Variants in CCDC136 observed in about 807,000 individuals in gnomAD.
The protein encoded by CCDC136 is coiled-coil domain-containing protein 136.
A neutral mutation model predicts 141.2 loss-of-function variants in CCDC136; 100 were observed. The ratio of observed to expected loss-of-function variants is 0.71; its 90% CI spans 0.60 to 0.84. CCDC136 has a LOEUF of 0.84. Ranked by LOEUF, CCDC136 falls within the 40% of genes least tolerant of loss-of-function variation. The pLI, the probability that CCDC136 is intolerant of heterozygous loss-of-function variation, is 0.00. For synonymous variants in CCDC136, 474 were observed against 531.9 expected, an observed-to-expected ratio of 0.89 and a Z score of 1.50; for missense variants, 1,206 against 1,379.4, an observed-to-expected ratio of 0.87 and a Z score of 1.99.
chr7:128,810,482 A>G, intron 12 of CCDC136, 116 bp downstream of exon 12: 1 of 690,572 alleles, frequency 1.4e-6, no homozygotes, highest in South Asian at 1.9e-5. Context: ...GGGTAAGGAT[A>G]AGGCAAAAGC....
intron 3 of CCDC136, among the ~76,000 whole-genome samples, chr7:128,796,100 C>A (rs1435860740): frequency 6.6e-6 from 1 of 152,086 alleles, no homozygotes; most frequent in African/African-American, 2.4e-5. Context: ...CTCAGCCTCC[C>A]GAGTAGCTGA....
chr7:128,812,365 T>C, intron 13 of CCDC136, 53 bp downstream of exon 13: 1 of 1,548,170 alleles, frequency 6.5e-7, no homozygotes, highest in Non-Finnish European at 8.7e-7. Context: ...TCTTGTCTTT[T>C]TAAGAGATAC....
rs546993368 is a variant in CCDC136 at position 128,804,857 on chromosome 7, G to A, written c.782+96G>A. 1.6e-4 allele frequency: 116 copies of A among 725,152 alleles called. 1 individual carries two copies. Among genetic ancestry groups the A allele is most frequent in the Admixed American group, 1.5e-3 (56 of 38,524 alleles). 44.9% of individuals were successfully genotyped at this position (725,152 alleles called of 1,614,324 possible). On this transcript the variant is annotated intron_variant, in intron 5 of 17. Coordinates refer to ENST00000297788, the MANE Select transcript of CCDC136 (RefSeq NM_022742.5). ...GAAGGCAGATGCCAGGGCAGTGAGCGTTCCTTTGCTCCTGGAGACCCAGTC... is the reference window on the plus strand; with the variant it reads ...GAAGGCAGATGCCAGGGCAGTGAGCATTCCTTTGCTCCTGGAGACCCAGTC...
Position 128,809,516 on chromosome 7 carries a change from G to T in CCDC136, c.1672G>T (p.Gly558Trp). The change falls in exon 11 of 18, where the codon GGG becomes TGG. Residue 558 changes from glycine to tryptophan, a missense_variant. Transcript: ENST00000297788. ...EKYKASQKEM[G>W]QLQMEQCELL... is the part of the protein sequence containing the mutation. The stretch of plus-strand genomic sequence containing the variant: ...GTACAAGGCCAGCCAGAAGGAGATG[G>T]GGCAGCTGCAGATGGAGCAGTGTGA... The T allele has an allele frequency of 6.4e-7, 1 of 1,553,086 alleles. No homozygotes were observed. Among genetic ancestry groups the T allele is most frequent in the Non-Finnish European group, 8.7e-7 (1 of 1,148,788 alleles).
Position 128,811,938 on chromosome 7 carries a change from T to C in CCDC136, c.2167T>C (p.Cys723Arg). The C allele has an allele frequency of 6.2e-7, 1 of 1,614,006 alleles. No homozygotes were observed. Among genetic ancestry groups the C allele is most frequent in the East Asian group, 2.2e-5 (1 of 44,880 alleles). The change falls in exon 13 of 18, where the codon TGC (cysteine) becomes CGC (arginine). Residue 723 changes from cysteine (C) to arginine (R), a missense_variant. Transcript: ENST00000297788. ...RKRLQADLQL[C>R]LEEMQLLQVQ... ...GAGGCTGCAGGCAGACTTGCAGCTC[T>C]GCCTGGAAGAAATGCAGCTGCTTCA...
chr7:128,818,113 C>A, intron 17 of CCDC136: 1 of 441,812 alleles, frequency 2.3e-6, no homozygotes, highest in Non-Finnish European at 4.1e-6. Flanking sequence ...TGTTTCAATC[C>A]TTGGCTGGGA....
rs1322499281 is a variant in CCDC136 at position 128,817,790 on chromosome 7, C to T, written c.3396C>T (p.Ser1132=). ...SSPTPNPPIF[S]LPLVGLVVIS... is the part of the protein sequence containing the mutation. ...CTACCCCCAATCCCCCCATCTTCTC[C>T]TTGCCTCTTGTAGGCCTGGTGGTCA... The change falls in exon 17 of 18, where the codon TCC becomes TCT. Residue 1132 remains serine, a synonymous_variant. Transcript: ENST00000297788. The surrounding 1 kb of genome is among the most constrained non-coding windows in gnomAD (Gnocchi z 4.6). 1.2e-6 allele frequency: 2 copies of T among 1,613,794 alleles called. No homozygotes were observed. The highest frequency in any genetic ancestry group is 1.3e-5 in the African/African-American group (1 of 74,892).
chr7:128,797,402 A>C (rs1803201529), intron 3 of CCDC136, among the ~76,000 whole-genome samples: 1 of 152,230 alleles, frequency 6.6e-6, no homozygotes, highest in Non-Finnish European at 1.5e-5. Flanking sequence ...AGACACCAGA[A>C]GAGGAGAAAG....
At chr7:128,807,920 T>C (rs1805119098) in intron 10 of CCDC136, 1 of 154,942 alleles carries the variant, frequency 6.5e-6, no homozygotes, top group South Asian at 2.1e-4. Context: ...GGGGCCAGTT[T>C]TCTGGGTCAG....
In CCDC136 at chr7:128,805,625, G is replaced by A; in HGVS notation, c.948+101G>A. 1.3e-6 allele frequency: 2 copies of A among 1,512,326 alleles called. No individual in the cohort carries two copies. Among genetic ancestry groups the A allele is most frequent in the Middle Eastern group, 1.7e-4 (1 of 5,730 alleles). 93.7% of individuals were successfully genotyped at this position (1,512,326 alleles called of 1,614,324 possible). A position where few individuals can be genotyped will look rare whatever the true frequency, so the allele number is the denominator to read the frequency against. Reference sequence around the variant, plus strand: ...ATCTCCATAGGCATCCACTGTGGAGGGAGATAGTACTCTGGGGTCTCACTT... The same window carrying A: ...ATCTCCATAGGCATCCACTGTGGAGAGAGATAGTACTCTGGGGTCTCACTT... On this transcript the variant is annotated intron_variant, in intron 6 of 17. Transcript: ENST00000297788. This position sits in a 1 kb window ranked among gnomAD's most constrained non-coding sequence, Gnocchi z 4.6.
At chr7:128,813,048 T>A in intron 14 of CCDC136, 119 bp downstream of exon 14, 8 of 688,866 alleles carry the variant, frequency 1.2e-5, no homozygotes. Context: ...CCTCAGAGGC[T>A]GGGCAGTCTG....
intron 10 of CCDC136, chr7:128,808,881 G>C (rs1805273563): frequency 1.0e-6 from 1 of 985,174 alleles, no homozygotes; most frequent in Admixed American, 6.1e-5. Flanking sequence ...ATTGAGATCT[G>C]TCTGATATTA....
In CCDC136 at chr7:128,794,609, G is replaced by A. The variant is rs367565695; in HGVS notation, c.271+7G>A. 6.5e-7 allele frequency: 1 copy of A among 1,542,418 alleles called. No homozygotes were observed. Among genetic ancestry groups the A allele is most frequent in the African/African-American group, 1.4e-5 (1 of 72,614 alleles). ...GACTCCTTGGAGCTACAGGGTGAGT[G>A]CCTGGGCCAGGGCCCAGTGCCCGGG... is the stretch of plus-strand genomic sequence containing the variant. On this transcript the variant is annotated splice_region_variant and intron_variant, in intron 2 of 17. Transcript: ENST00000297788. This position sits in a 1 kb window ranked among gnomAD's most constrained non-coding sequence, Gnocchi z 4.3.
At chr7:128,797,869 T>C (rs1436105747) in intron 3 of CCDC136, among the ~76,000 whole-genome samples, 1 of 150,080 alleles carries the variant, frequency 6.7e-6, no homozygotes. Flanking sequence ...GGGCGAAAAG[T>C]CAGAATTGAA....
intron 3 of CCDC136, among the ~76,000 whole-genome samples, chr7:128,800,465 T>C (rs952997702): frequency 6.6e-6 from 1 of 151,584 alleles, no homozygotes; most frequent in Admixed American, 6.6e-5. Context: ...TTTCTTTTTT[T>C]TTTTTTTTTA....
chr7:128,815,499 C>A, intron 15 of CCDC136, 115 bp from the exon 16 acceptor site: 3 of 1,216,958 alleles, frequency 2.5e-6, no homozygotes, highest in Admixed American at 2.7e-5. Context: ...CGGGCCACAC[C>A]CTTGCACTCT....
At chr7:128,807,681 C>A in intron 10 of CCDC136, 136 bp downstream of exon 10, 1 of 501,364 alleles carries the variant, frequency 2.0e-6, no homozygotes, top group Non-Finnish European at 3.4e-6. Context: ...GGGCCACATG[C>A]TGCTAACTTC....
intron 3 of CCDC136, among the ~76,000 whole-genome samples, chr7:128,796,739 A>ATATATTTTTTTTTT: frequency 5.3e-5 from 6 of 113,374 alleles, no homozygotes; most frequent in Admixed American, 8.4e-5. Flanking sequence ...ATATATATAT[A>ATATATTTTTTTTTT]TTCTTTTTTT....
chr7:128,796,739 A>ATATATATATTT, intron 3 of CCDC136, among the ~76,000 whole-genome samples: 2 of 113,382 alleles, frequency 1.8e-5, no homozygotes, highest in African/African-American at 9.2e-5. Flanking sequence ...ATATATATAT[A>ATATATATATTT]TTCTTTTTTT....
Sources: gnomAD v4.1 joint callset for allele counts (sites outside exome capture counted in the v4.1 genomes callset) on GRCh38, gnomAD v4.1.1 for gene constraint, Gnocchi (gnomAD v3.1) non-coding constraint, MANE v1.5 for transcripts, NCBI Gene and HGNC (gene_info 2026-07-23, HGNC 2026-07-21) for gene names.